Variants in MRPL2 observed in about 807,000 individuals in gnomAD.
MRPL2 encodes the protein mitochondrial ribosomal protein L2.
Under a neutral mutation model 34.6 loss-of-function variants are expected in MRPL2, and 27 were observed. That is an observed-to-expected ratio of 0.78 (90% CI 0.58 to 1.08). The LOEUF (loss-of-function observed/expected upper bound fraction) is 1.08, where lower values mean the gene tolerates loss of function less well. MRPL2 is among the 50% of genes least tolerant of loss of function. MRPL2 has a pLI of 0.00. For synonymous variants in MRPL2, 155 were observed against 158.0 expected (o/e 0.98, Z 0.14); for missense variants, 414 against 419.3 (o/e 0.99, Z 0.11).
Position 43,056,368 on chromosome 6 carries a change from C to G in MRPL2, c.343G>C (p.Glu115Gln). ...TCAAAGGGTCCTGACTTGGTCTCCT[C>G]AGGCCGGAAACGCAGAAAGTCAATC... is the stretch of plus-strand genomic sequence containing the variant. The part of the protein sequence containing the change: ...RMIDFLRFRP[E>Q]ETKSGPFEEK... Residue 115 changes from glutamate to glutamine, a missense_variant, in exon 3 of 7, where the codon GAG (glutamate) becomes CAG (glutamine). Coordinates refer to ENST00000388752, the MANE Select transcript of MRPL2 (RefSeq NM_015950.5). 1 of 1,614,198 alleles carries G rather than the reference C, an allele frequency of 6.2e-7. No homozygotes were observed. The highest frequency in any genetic ancestry group is 8.5e-7 in the Non-Finnish European group (1 of 1,180,046).
At chr6:43,059,532 G>C, upstream of MRPL2, 3 of 1,428,884 alleles carry the variant, frequency 2.1e-6, no homozygotes, top group African/African-American at 1.4e-5. Flanking sequence ...CCTGAACGCC[G>C]TGAGAGCCAA....
rs1463994717 is a variant in MRPL2, at chr6:43,054,243, G to GT, written c.*30_*31insA. ...ACCACAGTAACAGATTAAAACGGGG[G>GT]GGGGGGGCATTTTATTAGAGTACAG... On this transcript the variant is annotated 3_prime_UTR_variant, in exon 7 of 7. Transcript: ENST00000388752. The GT allele has an allele frequency of 1.4e-6, 2 of 1,389,546 alleles. No individual in the cohort carries two copies. The highest frequency in any genetic ancestry group is 2.9e-5 in the African/African-American group (2 of 68,574). The allele number at this position is 1,389,546 out of a possible 1,614,324, so 86.1% of individuals were successfully genotyped here.
At chr6:43,055,705 T>G in intron 5 of MRPL2, 87 bp from the exon 6 acceptor site, 8 of 1,499,752 alleles carry the variant, frequency 5.3e-6, no homozygotes, top group Non-Finnish European at 7.4e-6. Context: ...CATGCTGCCC[T>G]TGCTTTGCTC....
chr6:43,059,189 T>C, intron 1 of MRPL2, 97 bp downstream of exon 1: 1 of 1,550,674 alleles, frequency 6.4e-7, no homozygotes, highest in Middle Eastern at 1.7e-4. Context: ...CCTGCATGAC[T>C]CCTGACCAGA....
intron 6 of MRPL2, 105 bp downstream of exon 6, chr6:43,055,440 G>C: frequency 9.5e-7 from 1 of 1,047,140 alleles, no homozygotes; most frequent in Non-Finnish European, 1.4e-6. Context: ...CTCAGCTCAA[G>C]GCAGTTCCTT....
Position 43,056,373 on chromosome 6 carries a change from C to G in MRPL2, c.338G>C (p.Arg113Pro). Residue 113 changes from arginine (R) to proline (P), a missense_variant, in exon 3 of 7, where the codon CGG becomes CCG. Physicochemically the swap from Arg to Pro is moderately radical, Grantham distance 103. Coordinates refer to ENST00000388752, the MANE Select transcript of MRPL2 (RefSeq NM_015950.5). ...GGGTCCTGACTTGGTCTCCTCAGGC[C>G]GGAAACGCAGAAAGTCAATCATTCG... ...RYRMIDFLRF[R>P]PEETKSGPFE... The G allele has an allele frequency of 6.2e-7, 1 of 1,614,140 alleles. No individual in the cohort carries two copies. Among genetic ancestry groups the G allele is most frequent in the Non-Finnish European group, 8.5e-7 (1 of 1,180,022 alleles).
chr6:43,056,249 C>T, intron 3 of MRPL2, 53 bp from the exon 4 acceptor site: 1 of 1,612,608 alleles, frequency 6.2e-7, no homozygotes, highest in African/African-American at 1.3e-5. Flanking sequence ...CCCACATCTT[C>T]TGAGAAGCTA....
upstream of MRPL2, chr6:43,059,854 G>A (rs1259264410): frequency 2.2e-5 from 26 of 1,192,136 alleles, no homozygotes; most frequent in Admixed American, 1.7e-4. Context: ...CAGACAGATA[G>A]ACAGACGACC....
chr6:43,059,581 G>A (rs1765025479), upstream of MRPL2: 5 of 1,417,958 alleles, frequency 3.5e-6, no homozygotes, highest in Non-Finnish European at 4.6e-6. Flanking sequence ...TAGGAAACAG[G>A]CCCCGCCCCC....
At chr6:43,057,486 A>T (rs1764909209) in intron 2 of MRPL2, 1 of 152,360 alleles carries the variant, frequency 6.6e-6, no homozygotes. Flanking sequence ...CCGGGATTAC[A>T]GGACTGCACC....
intron 2 of MRPL2, 60 bp from the exon 3 acceptor site, chr6:43,056,505 T>C: frequency 6.2e-7 from 1 of 1,601,700 alleles, no homozygotes; most frequent in Non-Finnish European, 8.5e-7. Context: ...TTTCCAGCAC[T>C]GGGAACTGGC....
In MRPL2 at chr6:43,055,985, C is replaced by T. The variant is rs146544912; in HGVS notation, c.543G>A (p.Ala181=). Residue 181 remains alanine (A), a synonymous_variant, in exon 5 of 7, where the codon GCG becomes GCA. Transcript: ENST00000388752. ...RMAVAAREGD[A]HPLGALPVGT... is the part of the protein sequence containing the mutation. ...CCACAGGCAGAGCCCCAAGAGGATG[C>T]GCATCCCCTTCCCGAGCAGCAACTA... The T allele has an allele frequency of 1.7e-4, 274 of 1,614,128 alleles. No homozygotes were observed. The African/African-American group carries it at 2.4e-3, about 14-fold the overall frequency.
chr6:43,054,151 T>A lies in MRPL2; in HGVS notation c.*123A>T. The A allele has an allele frequency of 1.2e-6, 1 of 801,102 alleles. No homozygotes were observed. Among genetic ancestry groups the A allele is most frequent in the South Asian group, 1.7e-5 (1 of 58,194 alleles). The allele number at this position is 801,102 out of a possible 1,614,324, so 49.6% of individuals were successfully genotyped here. A position where few individuals can be genotyped will look rare whatever the true frequency, so the allele number is the denominator to read the frequency against. ...TTTTACTTCTTTTCCCCACGTTTAG[T>A]CTGTACCATCCCCTCCCCCGCAAAA... On this transcript the variant is annotated 3_prime_UTR_variant, in exon 7 of 7. Coordinates refer to ENST00000388752, the MANE Select transcript of MRPL2 (RefSeq NM_015950.5).
In MRPL2 at chr6:43,054,241, G is replaced by GGT; in HGVS notation, c.*32_*33insAC. ...AAACCACAGTAACAGATTAAAACGG[G>GGT]GGGGGGGGGCATTTTATTAGAGTAC... On this transcript the variant is annotated 3_prime_UTR_variant, in exon 7 of 7. Coordinates refer to ENST00000388752, the MANE Select transcript of MRPL2 (RefSeq NM_015950.5). The GGT allele has an allele frequency of 7.4e-7, 1 of 1,347,156 alleles. No homozygotes were observed. The highest frequency in any genetic ancestry group is 2.4e-5 in the East Asian group (1 of 42,030). The allele number at this position is 1,347,156 out of a possible 1,614,324, so 83.5% of individuals were successfully genotyped here.
At chr6:43,059,102 A>G in intron 1 of MRPL2, 184 bp downstream of exon 1, 1 of 1,525,220 alleles carries the variant, frequency 6.6e-7, no homozygotes, top group Non-Finnish European at 8.9e-7. Context: ...TCTCGTCTGA[A>G]GAATTTCGCC....
rs1764734225 is a variant in MRPL2, at chr6:43,054,274, T to C, written c.918A>G (p.Ter306TrpextTer14). The change falls in exon 7 of 7, where the codon TGA becomes TGG. Residue 306 changes from the stop codon to tryptophan, a stop_lost. Transcript: ENST00000388752. ...GGCATTTTATTAGAGTACAGGGATATCAGCTTTGGGCAGAAGCAGAAGGCA... is the reference window on the plus strand; with the variant it reads ...GGCATTTTATTAGAGTACAGGGATACCAGCTTTGGGCAGAAGCAGAAGGCA... ...VKLPSASAQS[*>W] 1 of 1,494,682 alleles carries C rather than the reference T, an allele frequency of 6.7e-7. No homozygotes were observed. 92.6% of individuals were successfully genotyped at this position (1,494,682 alleles called of 1,614,324 possible).
upstream of MRPL2, chr6:43,059,477 G>A: frequency 6.9e-7 from 1 of 1,453,160 alleles, no homozygotes; most frequent in Non-Finnish European, 9.1e-7. Flanking sequence ...AAAAGGAGGC[G>A]GGCAGAAAAC....
chr6:43,055,773 A>AT, intron 5 of MRPL2, 124 bp downstream of exon 5: 6 of 1,200,746 alleles, frequency 5.0e-6, no homozygotes, highest in Non-Finnish European at 3.5e-6. Context: ...AAACACATGC[A>AT]TATCTTCATC....
At position 43,055,920 on chromosome 6, in the gene MRPL2, C is replaced by T. The variant is rs1764863099; in HGVS notation, c.608G>A (p.Gly203Asp). 4 of 1,613,748 alleles carry T rather than the reference C, an allele frequency of 2.5e-6. No individual in the cohort carries two copies. The highest frequency in any genetic ancestry group is 3.4e-6 in the Non-Finnish European group (4 of 1,179,822). The change falls in exon 5 of 7, where the codon GGT becomes GAT. Residue 203 changes from glycine (G) to aspartate (D), a missense_variant. Gly to Asp is a moderately conservative substitution (Grantham distance 94). Coordinates refer to ENST00000388752, the MANE Select transcript of MRPL2 (RefSeq NM_015950.5). ...INNVESEPGR[G>D]AQYIRAAGTC... Reference sequence around the variant, plus strand: ...ACCTGCAGCTCGGATATATTGGGCACCCCGGCCTGGCTCACTTTCCACGTT... The same window carrying T: ...ACCTGCAGCTCGGATATATTGGGCATCCCGGCCTGGCTCACTTTCCACGTT...
Sources: gnomAD v4.1 joint callset for allele counts on GRCh38, gnomAD v4.1.1 for gene constraint, MANE v1.5 for transcripts, NCBI Gene and HGNC (gene_info 2026-07-23, HGNC 2026-07-21) for gene names.